The following SPOCK1 variants were observed in gnomAD, a reference collection of about 807,000 sequenced individuals.
SPOCK1 encodes the protein SPARC (osteonectin), cwcv and kazal like domains proteoglycan 1, also known as testican-1.
Under a neutral mutation model 55.3 loss-of-function variants are expected in SPOCK1, and 23 were observed. The ratio of observed to expected loss-of-function variants is 0.42; its 90% CI spans 0.30 to 0.59. The LOEUF (loss-of-function observed/expected upper bound fraction) is 0.59. SPOCK1 is among the 20% of genes least tolerant of loss of function. SPOCK1 has a pLI of 0.22. For synonymous variants in SPOCK1, 226 were observed against 221.0 expected, an observed-to-expected ratio of 1.02 and a Z score of -0.20; for missense variants, 499 against 552.5, an observed-to-expected ratio of 0.90 and a Z score of 0.97.
At chr5:137,177,819 T>C (rs567587475) in intron 3 of SPOCK1, among the ~76,000 whole-genome samples, 8 of 144,804 alleles carry the variant, frequency 5.5e-5, no homozygotes, top group African/African-American at 1.3e-4. Context: ...AGGAGATCTC[T>C]AGGGGAGAGG....
intron 4 of SPOCK1, among the ~76,000 whole-genome samples, chr5:137,136,279 G>C (rs1361273081): frequency 1.3e-5 from 2 of 152,016 alleles, no homozygotes; most frequent in Non-Finnish European, 2.9e-5. Flanking sequence ...TTTTTGTATA[G>C]TATGTTATAT....
chr5:137,006,412 A>T (rs1751248202), intron 6 of SPOCK1, among the ~76,000 whole-genome samples: 1 of 151,912 alleles, frequency 6.6e-6, no homozygotes, highest in Non-Finnish European at 1.5e-5. Context: ...CCTTGAAGAG[A>T]TCCTTCACAT....
intron 3 of SPOCK1, among the ~76,000 whole-genome samples, chr5:137,148,289 CATT>C (rs1754244271): frequency 6.6e-6 from 1 of 152,208 alleles, no homozygotes; most frequent in African/African-American, 2.4e-5. Flanking sequence ...CAAAGCAAGA[CATT>C]ATGAGCAACC....
intron 2 of SPOCK1, among the ~76,000 whole-genome samples, chr5:137,307,182 A>C (rs1180685368): frequency 5.9e-5 from 9 of 152,244 alleles, no homozygotes; most frequent in Admixed American, 5.9e-4. Context: ...GGAGATAAAG[A>C]TACAATTATG....
At chr5:136,989,350 A>C (rs141863681) in intron 7 of SPOCK1, among the ~76,000 whole-genome samples, 21 of 152,368 alleles carry the variant, frequency 1.4e-4, no homozygotes, top group Non-Finnish European at 2.8e-4. Context: ...ACTTAGCTCA[A>C]CACTCGGGAT....
intron 3 of SPOCK1, among the ~76,000 whole-genome samples, chr5:137,144,144 C>G (rs1754149291): frequency 6.6e-6 from 1 of 152,100 alleles, no homozygotes; most frequent in Admixed American, 6.5e-5. Context: ...TCCCCAGAGG[C>G]TGGGGTGCCC....
At chr5:137,417,828 AG>A (rs1752376018) in intron 2 of SPOCK1, among the ~76,000 whole-genome samples, 1 of 152,002 alleles carries the variant, frequency 6.6e-6, no homozygotes, top group South Asian at 2.1e-4. Flanking sequence ...TTATACTTTA[AG>A]GTTTAGGGTA....
At chr5:137,469,715 C>T (rs936474148) in intron 2 of SPOCK1, among the ~76,000 whole-genome samples, 4 of 152,164 alleles carry the variant, frequency 2.6e-5, no homozygotes, top group African/African-American at 7.2e-5. Context: ...ATACACACCC[C>T]GTTCTCCTTG....
rs1756868414 is a variant in SPOCK1, at chr5:137,266,991, G to A, written c.232+19C>T. 6.2e-7 allele frequency: 1 copy of A among 1,608,418 alleles called. No homozygotes were observed. The highest frequency in any genetic ancestry group is 1.1e-5 in the South Asian group (1 of 90,816). On this transcript the variant is annotated intron_variant, in intron 3 of 10. Transcript: ENST00000394945. ...ACATTTACCACAGACTATACAGCAA[G>A]AAATATTGCATCCATTACCTTGGTC...
intron 2 of SPOCK1, among the ~76,000 whole-genome samples, chr5:137,431,522 T>G (rs781063876): frequency 6.6e-6 from 1 of 152,236 alleles, no homozygotes; most frequent in Non-Finnish European, 1.5e-5. Context: ...TGTCTAAATT[T>G]GATCCCCGGT....
chr5:137,430,245 AT>A (rs1462804862), intron 2 of SPOCK1, among the ~76,000 whole-genome samples: 2 of 152,214 alleles, frequency 1.3e-5, no homozygotes, highest in Non-Finnish European at 2.9e-5. Flanking sequence ...TGGAATTTAA[AT>A]TTAGATTTAA....
chr5:137,058,796 C>T (rs759852064), intron 6 of SPOCK1, among the ~76,000 whole-genome samples: 12 of 152,024 alleles, frequency 7.9e-5, no homozygotes, highest in Non-Finnish European at 1.5e-4. Flanking sequence ...AGGGTCCTGG[C>T]CTAGGAGATG....
rs533759877 is a variant in SPOCK1 at position 137,332,107 on chromosome 5, C to T, written c.187-65052G>A. Among the ~76,000 whole-genome samples the T allele has an allele frequency of 2.0e-5, 3 of 152,144 alleles. 1 individual carries two copies. In the East Asian group the frequency reaches 5.8e-4, roughly 29 times the overall value. On this transcript the variant is annotated intron_variant, in intron 2 of 10. Coordinates refer to ENST00000394945, the MANE Select transcript of SPOCK1 (RefSeq NM_004598.4). ...GTGTGGCTTCTTTTCCCCTCTCTGG[C>T]CCTGCCTAGGCTCCCACGTCCCAGC... is the stretch of plus-strand genomic sequence containing the variant.
intron 2 of SPOCK1, among the ~76,000 whole-genome samples, chr5:137,396,911 A>G (rs1317459230): frequency 3.3e-5 from 5 of 152,150 alleles, no homozygotes; most frequent in African/African-American, 1.2e-4. Context: ...TATAACACTA[A>G]GAACTCGCTC....
At position 137,419,442 on chromosome 5, in the gene SPOCK1, G is replaced by T. The variant is rs186270500; in HGVS notation, c.186+78931C>A. On this transcript the variant is annotated intron_variant, in intron 2 of 10. Coordinates refer to ENST00000394945, the MANE Select transcript of SPOCK1 (RefSeq NM_004598.4). ...TTCTTCCTACCCATGAGCATGGAAT[G>T]TTCTTCCATTTGCTTGTATCCTCTT... Among the ~76,000 whole-genome samples the T allele has an allele frequency of 1.5e-3, 221 of 152,282 alleles. 1 individual carries two copies. Among genetic ancestry groups the T allele is most frequent in the African/African-American group, 5.1e-3 (210 of 41,532 alleles).
At chr5:137,187,057 G>T (rs1404445165) in intron 3 of SPOCK1, among the ~76,000 whole-genome samples, 2 of 152,134 alleles carry the variant, frequency 1.3e-5, no homozygotes. Flanking sequence ...TGGTCTCTTT[G>T]TAAACTCTCA....
At chr5:137,145,221 C>T (rs888859015) in intron 3 of SPOCK1, among the ~76,000 whole-genome samples, 3 of 152,190 alleles carry the variant, frequency 2.0e-5, no homozygotes, top group Non-Finnish European at 4.4e-5. Context: ...AGCTGTAAAG[C>T]ATTGAATTCA....
intron 3 of SPOCK1, among the ~76,000 whole-genome samples, chr5:137,187,035 C>T (rs540920169): frequency 2.0e-5 from 3 of 152,324 alleles, no homozygotes; most frequent in East Asian, 3.9e-4. Context: ...TCCCACCTCT[C>T]TGGCAGCTCC....
intron 9 of SPOCK1, among the ~76,000 whole-genome samples, chr5:136,981,486 T>C (rs957686275): frequency 6.6e-6 from 1 of 152,222 alleles, no homozygotes; most frequent in African/African-American, 2.4e-5. Context: ...TTTCACTTAG[T>C]TGCTTCCCAT....
Sources: gnomAD v4.1 joint callset for allele counts (sites outside exome capture counted in the v4.1 genomes callset) on GRCh38, gnomAD v4.1.1 for gene constraint, MANE v1.5 for transcripts, NCBI Gene and HGNC (gene_info 2026-07-23, HGNC 2026-07-21) for gene names.